The following RORA variants were observed in gnomAD, a reference collection of about 807,000 sequenced individuals.
RORA encodes the protein RAR related orphan receptor A.
Under a neutral mutation model 69.5 loss-of-function variants are expected in RORA, and 7 were observed. That is an observed-to-expected ratio of 0.10 (90% CI 0.06 to 0.19). The LOEUF (loss-of-function observed/expected upper bound fraction) is 0.19. RORA is among the 10% of genes least tolerant of loss of function. The probability of loss-of-function intolerance (pLI) is 1.00; values close to 1 mark genes in which losing one functional copy is unlikely to be tolerated. For missense variants in RORA, 457 were observed against 663.0 expected, an observed-to-expected ratio of 0.69 and a Z score of 3.41; for synonymous variants, 261 against 240.8, an observed-to-expected ratio of 1.08 and a Z score of -0.78.
At chr15:60,557,495 G>A (rs966338725) in intron 2 of RORA, among the ~76,000 whole-genome samples, 6 of 152,200 alleles carry the variant, frequency 3.9e-5, no homozygotes, top group Non-Finnish European at 8.8e-5. Flanking sequence ...TGAGATACAA[G>A]CTCGGCCTTG....
intron 1 of RORA, among the ~76,000 whole-genome samples, chr15:60,816,777 C>A (rs1769142303): frequency 6.8e-6 from 1 of 148,014 alleles, no homozygotes; most frequent in African/African-American, 2.5e-5. Context: ...GTGTTGAAGT[C>A]TCCAGCTATC....
At chr15:60,798,142 CTTAA>C (rs66499636) in intron 1 of RORA, among the ~76,000 whole-genome samples, 18,198 of 150,988 alleles carry the variant, frequency 0.12, 1,529 homozygotes, top group East Asian at 0.46. Context: ...GAAAAAAAAA[CTTAA>C]TTAATGTGTG....
chr15:61,116,217 T>C (rs1223826503), intron 1 of RORA, among the ~76,000 whole-genome samples: 1 of 152,152 alleles, frequency 6.6e-6, no homozygotes, highest in African/African-American at 2.4e-5. Context: ...GGCATTGGAA[T>C]GAAGACGGTG....
In RORA at chr15:61,229,188, C is replaced by T. The variant is rs1293286459; in HGVS notation, c.31G>A (p.Ala11Thr). ...CCGCTGCTGCCTGGCTCGCTGGCGG[C>T]GGGGTCGGGGGCTGCCGGAGCTGAC... Reference protein sequence around the residue: MESAPAAPDPAASEPGSSGAD... With the variant: MESAPAAPDPTASEPGSSGAD... Residue 11 changes from alanine to threonine, a missense_variant, in exon 1 of 11, where the codon GCC becomes ACC. Physicochemically the swap from Ala to Thr is moderately conservative, Grantham distance 58. Around this residue, in one of 3 missense-constraint regions of RORA, gnomAD observed 119 missense variants for 92.4 expected, o/e 1.29. Coordinates refer to ENST00000335670, the MANE Select transcript of RORA (RefSeq NM_134261.3). The T allele has an allele frequency of 6.4e-7, 1 of 1,553,182 alleles. No homozygotes were observed. The highest frequency in any genetic ancestry group is 8.7e-7 in the Non-Finnish European group (1 of 1,151,518).
At chr15:61,089,980 G>C (rs2078681772) in intron 1 of RORA, among the ~76,000 whole-genome samples, 1 of 152,168 alleles carries the variant, frequency 6.6e-6, no homozygotes, top group Non-Finnish European at 1.5e-5. Flanking sequence ...TAAGACCTGG[G>C]GGCTGGAATT....
intron 2 of RORA, among the ~76,000 whole-genome samples, chr15:60,591,079 A>G (rs536950216): frequency 2.0e-4 from 30 of 152,300 alleles, no homozygotes; most frequent in Non-Finnish European, 4.0e-4. Context: ...CCAGATTGCA[A>G]CACAACCCCA....
At chr15:60,772,343 G>T (rs2072090388) in intron 1 of RORA, among the ~76,000 whole-genome samples, 1 of 152,196 alleles carries the variant, frequency 6.6e-6, no homozygotes, top group African/African-American at 2.4e-5. Flanking sequence ...CAGGTGGCAG[G>T]ATTCTCTTGC....
chr15:60,966,422 C>A (rs1188996306), intron 1 of RORA, among the ~76,000 whole-genome samples: 1 of 152,172 alleles, frequency 6.6e-6, no homozygotes, highest in African/African-American at 2.4e-5. Flanking sequence ...GCACATTCCA[C>A]CAATGTGATT....
At chr15:60,663,167 C>T (rs1282056317) in intron 2 of RORA, among the ~76,000 whole-genome samples, 1 of 152,176 alleles carries the variant, frequency 6.6e-6, no homozygotes, top group African/African-American at 2.4e-5. Context: ...TAGGCATTGT[C>T]CCTATAAGCA....
At chr15:60,775,113 C>G (rs368915851) in intron 1 of RORA, among the ~76,000 whole-genome samples, 1 of 152,072 alleles carries the variant, frequency 6.6e-6, no homozygotes, top group East Asian at 1.9e-4. Context: ...TTCTTTCAAC[C>G]CTTCTCTCTT....
intron 1 of RORA, among the ~76,000 whole-genome samples, chr15:60,691,421 T>G (rs1395466971): frequency 6.6e-6 from 1 of 152,208 alleles, no homozygotes; most frequent in African/African-American, 2.4e-5. Context: ...GCCTGGCATA[T>G]AGATACTCAC....
At chr15:60,876,634 T>G in intron 1 of RORA, among the ~76,000 whole-genome samples, 1 of 152,196 alleles carries the variant, frequency 6.6e-6, no homozygotes, top group Non-Finnish European at 1.5e-5. Context: ...ATTTTTTTTT[T>G]CTGAAATAAT....
intron 1 of RORA, among the ~76,000 whole-genome samples, chr15:60,761,440 T>C (rs953563344): frequency 6.6e-6 from 1 of 152,174 alleles, no homozygotes; most frequent in African/African-American, 2.4e-5. Flanking sequence ...AATTATCTTA[T>C]GGTAAATGTG....
At chr15:61,079,571 A>G (rs1197745301) in intron 1 of RORA, among the ~76,000 whole-genome samples, 4 of 152,224 alleles carry the variant, frequency 2.6e-5, no homozygotes, top group Non-Finnish European at 5.9e-5. Flanking sequence ...TCAGTTTCAG[A>G]GGAATTAGGT....
At chr15:60,695,068 C>T (rs1028451181) in intron 1 of RORA, among the ~76,000 whole-genome samples, 19 of 152,126 alleles carry the variant, frequency 1.2e-4, no homozygotes, top group Admixed American at 9.2e-4. Flanking sequence ...AGGGAAACAA[C>T]GGCAGACAAG....
chr15:60,996,945 T>C (rs1178286757), intron 1 of RORA, among the ~76,000 whole-genome samples: 1 of 151,834 alleles, frequency 6.6e-6, no homozygotes, highest in Admixed American at 6.6e-5. Context: ...GAACCTAACG[T>C]AATTTTTACA....
At chr15:61,165,913 A>T (rs997890695) in intron 1 of RORA, among the ~76,000 whole-genome samples, 1 of 152,242 alleles carries the variant, frequency 6.6e-6, no homozygotes, top group Non-Finnish European at 1.5e-5. Flanking sequence ...TTCAGCTTAC[A>T]GATACAAAAT....
chr15:60,897,613 C>T (rs554188339), intron 1 of RORA, among the ~76,000 whole-genome samples: 2 of 152,312 alleles, frequency 1.3e-5, no homozygotes, highest in East Asian at 1.9e-4. Flanking sequence ...TGGATAGATG[C>T]CCTGCAGCTA....
chr15:60,603,116 T>A (rs2068857779), intron 2 of RORA, among the ~76,000 whole-genome samples: 1 of 152,242 alleles, frequency 6.6e-6, no homozygotes, highest in African/African-American at 2.4e-5. Flanking sequence ...TGCTCTGTTT[T>A]ATTGTTGAGT....
Sources: allele counts gnomAD v4.1 joint callset (sites outside exome capture counted in the v4.1 genomes callset), GRCh38; gene constraint gnomAD v4.1.1; regional missense constraint gnomAD v4.1.1; transcripts MANE v1.5; gene names NCBI Gene and HGNC (gene_info 2026-07-23, HGNC 2026-07-21).